RNF217: variants seen among roughly 807,000 people sequenced by gnomAD.
RNF217 encodes E3 ubiquitin-protein ligase RNF217.
Under a neutral mutation model 57.8 loss-of-function variants are expected in RNF217, and 31 were observed. That is an observed-to-expected ratio of 0.54 (90% CI 0.40 to 0.72). RNF217 has a LOEUF of 0.72. Ranked by LOEUF, RNF217 falls within the 30% of genes least tolerant of loss-of-function variation. RNF217 has a pLI of 0.00. For synonymous variants in RNF217, 313 were observed against 294.0 expected, an observed-to-expected ratio of 1.06 and a Z score of -0.66; for missense variants, 696 against 708.3, an observed-to-expected ratio of 0.98 and a Z score of 0.20.
intron 1 of RNF217, among the ~76,000 whole-genome samples, chr6:124,965,616 CA>C (rs1167302426): frequency 6.6e-6 from 1 of 151,998 alleles, no homozygotes; most frequent in Admixed American, 6.6e-5. Flanking sequence ...TAAACAGCAA[CA>C]AAAAGATGAG....
intron 1 of RNF217, among the ~76,000 whole-genome samples, chr6:125,015,062 G>A (rs1209744050): frequency 2.0e-5 from 3 of 152,130 alleles, no homozygotes; most frequent in Admixed American, 6.6e-5. Context: ...CATGTCTGAA[G>A]TATATAGACT....
intron 3 of RNF217, among the ~76,000 whole-genome samples, chr6:125,064,800 A>G (rs1787871999): frequency 1.3e-5 from 2 of 152,122 alleles, no homozygotes; most frequent in Non-Finnish European, 2.9e-5. Context: ...CTATACTTGT[A>G]TGTATATACA....
At chr6:125,063,565 A>G (rs575525204) in intron 3 of RNF217, among the ~76,000 whole-genome samples, 1 of 152,128 alleles carries the variant, frequency 6.6e-6, no homozygotes, top group Non-Finnish European at 1.5e-5. Flanking sequence ...TACTATAAAT[A>G]TATTGTCTCA....
chr6:124,973,042 A>G (rs1783820101), intron 1 of RNF217, among the ~76,000 whole-genome samples: 1 of 152,218 alleles, frequency 6.6e-6, no homozygotes, highest in African/African-American at 2.4e-5. Flanking sequence ...TTATTCCACA[A>G]ATAATTAATA....
chr6:125,035,039 A>T (rs1229275323), intron 1 of RNF217, among the ~76,000 whole-genome samples: 1 of 151,954 alleles, frequency 6.6e-6, no homozygotes. Flanking sequence ...ATTTTTGTAC[A>T]TTGATTTTGT....
At chr6:125,043,713 C>T (rs1786977487) in intron 1 of RNF217, among the ~76,000 whole-genome samples, 1 of 151,988 alleles carries the variant, frequency 6.6e-6, no homozygotes, top group Non-Finnish European at 1.5e-5. Flanking sequence ...ATTATAATAG[C>T]ATCGTAACAC....
At chr6:124,987,083 T>G (rs536877895) in intron 1 of RNF217, among the ~76,000 whole-genome samples, 2 of 152,008 alleles carry the variant, frequency 1.3e-5, no homozygotes, top group African/African-American at 2.4e-5. Flanking sequence ...AATTTGGACG[T>G]TTTTTATACG....
At chr6:125,049,774 T>C (rs748801254) in intron 2 of RNF217, among the ~76,000 whole-genome samples, 8 of 151,618 alleles carry the variant, frequency 5.3e-5, no homozygotes, top group Non-Finnish European at 8.8e-5. Flanking sequence ...TAAAAAAGAA[T>C]ATAGTTGAAA....
intron 1 of RNF217, chr6:124,971,448 G>GTT: frequency 2.2e-5 from 7 of 311,938 alleles, no homozygotes; most frequent in South Asian, 5.3e-5. Flanking sequence ...TTACTGTTAA[G>GTT]TTTTTTTTTG....
At chr6:125,064,923 A>G (rs1438040676) in intron 3 of RNF217, among the ~76,000 whole-genome samples, 1 of 152,110 alleles carries the variant, frequency 6.6e-6, no homozygotes, top group African/African-American at 2.4e-5. Context: ...CATATAAAGT[A>G]GAATTAGCTT....
intron 1 of RNF217, among the ~76,000 whole-genome samples, chr6:124,997,671 C>T (rs74937746): frequency 0.042 from 6,372 of 152,192 alleles, 455 homozygotes; most frequent in African/African-American, 0.14. Context: ...CAGCCTGTGG[C>T]GATGAGATAC....
chr6:125,037,445 A>G (rs191403332), intron 1 of RNF217, among the ~76,000 whole-genome samples: 1 of 152,212 alleles, frequency 6.6e-6, no homozygotes, highest in Admixed American at 6.5e-5. Context: ...GATGTACTTA[A>G]ATGTTTTCTT....
At chr6:125,065,697 T>G (rs1787908383) in intron 3 of RNF217, among the ~76,000 whole-genome samples, 1 of 152,194 alleles carries the variant, frequency 6.6e-6, no homozygotes, top group African/African-American at 2.4e-5. Context: ...TGCTAAAGGA[T>G]CTAAAGCTTT....
intron 1 of RNF217, among the ~76,000 whole-genome samples, chr6:125,021,831 T>C (rs955351609): frequency 2.6e-5 from 4 of 152,174 alleles, no homozygotes; most frequent in Non-Finnish European, 4.4e-5. Context: ...ATTGTGCTCT[T>C]CAATAAGTAA....
chr6:124,982,644 T>C (rs1253688477), intron 1 of RNF217, among the ~76,000 whole-genome samples: 2 of 152,188 alleles, frequency 1.3e-5, no homozygotes, highest in African/African-American at 4.8e-5. Flanking sequence ...TATTTACATA[T>C]GAGTCTATGC....
At chr6:124,979,976 G>A (rs1048234639) in intron 1 of RNF217, among the ~76,000 whole-genome samples, 1 of 152,138 alleles carries the variant, frequency 6.6e-6, no homozygotes, top group Non-Finnish European at 1.5e-5. Context: ...ATTGTCTTTA[G>A]TATAGCAGAA....
At position 125,037,113 on chromosome 6, in the gene RNF217, G is replaced by C. The variant is rs566332942; in HGVS notation, c.883-8098G>C. Among the ~76,000 whole-genome samples, 165 of 147,788 alleles carry C rather than the reference G, an allele frequency of 1.1e-3. 1 individual carries two copies. The highest frequency in any genetic ancestry group is 1.9e-3 in the Non-Finnish European group (125 of 67,330). On this transcript the variant is annotated intron_variant, in intron 1 of 5. Coordinates refer to ENST00000521654, the MANE Select transcript of RNF217 (RefSeq NM_001286398.3). ...AAAGTCCTGCCCACTGCCCTGTAGT[G>C]TTCATATGGAAGTGGTATTGTTCTA...
chr6:124,993,170 A>G (rs1000613823), intron 1 of RNF217, among the ~76,000 whole-genome samples: 1 of 152,188 alleles, frequency 6.6e-6, no homozygotes, highest in Non-Finnish European at 1.5e-5. Flanking sequence ...TTGACTTACT[A>G]TCAGAAACGC....
At chr6:124,972,850 A>G (rs1342350018) in intron 1 of RNF217, among the ~76,000 whole-genome samples, 1 of 152,138 alleles carries the variant, frequency 6.6e-6, no homozygotes, top group Non-Finnish European at 1.5e-5. Context: ...TTATCAAACT[A>G]TATAGGAATC....
Sources: allele counts gnomAD v4.1 joint callset (sites outside exome capture counted in the v4.1 genomes callset), GRCh38; gene constraint gnomAD v4.1.1; transcripts MANE v1.5; gene names NCBI Gene and HGNC (gene_info 2026-07-23, HGNC 2026-07-21).